Variants in CALD1 observed in about 807,000 individuals in gnomAD.
CALD1 encodes caldesmon.
A neutral mutation model predicts 99.9 loss-of-function variants in CALD1; 33 were observed. The observed-to-expected ratio is 0.33, with a 90% CI of 0.25 to 0.44. The LOEUF (loss-of-function observed/expected upper bound fraction) is 0.44. Among genes scored for constraint, CALD1 ranks in the 20% least tolerant of loss-of-function variants. The pLI is 1.00. For synonymous variants in CALD1, 310 were observed against 325.0 expected (o/e 0.95, Z 0.50); for missense variants, 861 against 962.1 (o/e 0.89, Z 1.39).
At chr7:134,962,536 A>C (rs1269112790) in intron 13 of CALD1, 7 of 259,528 alleles carry the variant, frequency 2.7e-5, no homozygotes, top group African/African-American at 1.6e-4. Context: ...TTCCCATTAG[A>C]TTTTGTAGAC....
intron 1 of CALD1, among the ~76,000 whole-genome samples, chr7:134,826,664 T>C (rs1799010861): frequency 6.6e-6 from 1 of 152,206 alleles, no homozygotes; most frequent in Admixed American, 6.5e-5. Context: ...GTATTGTTGG[T>C]TCATTGTTCC....
the CALD1 span, among the ~76,000 whole-genome samples, chr7:134,714,853 T>A: frequency 6.6e-6 from 1 of 152,196 alleles, no homozygotes; most frequent in South Asian, 2.1e-4. Context: ...GGCAGGAGTG[T>A]CTTATGCTGA....
At chr7:134,787,398 A>C (rs1797348375) in intron 1 of CALD1, among the ~76,000 whole-genome samples, 1 of 152,296 alleles carries the variant, frequency 6.6e-6, no homozygotes, top group Admixed American at 6.5e-5. Context: ...AAAAAATTTT[A>C]AGTATTTCTG....
At chr7:134,883,967 T>C (rs879692638) in intron 3 of CALD1, among the ~76,000 whole-genome samples, 5 of 152,328 alleles carry the variant, frequency 3.3e-5, no homozygotes, top group Admixed American at 6.5e-5. Flanking sequence ...CCGGGCATGG[T>C]GGCACATGCC....
chr7:134,872,357 CAA>C (rs35569742), intron 3 of CALD1, among the ~76,000 whole-genome samples: 26 of 100,434 alleles, frequency 2.6e-4, no homozygotes, highest in African/African-American at 6.2e-4. Context: ...GACTCGGTCT[CAA>C]AAAAAAAAAA....
At chr7:134,841,510 C>G (rs1799648686) in intron 1 of CALD1, among the ~76,000 whole-genome samples, 1 of 152,186 alleles carries the variant, frequency 6.6e-6, no homozygotes. Flanking sequence ...ATTTTTCTGT[C>G]TGTTATTAAG....
chr7:134,711,676 ATATATGTGTG>A, the CALD1 span, among the ~76,000 whole-genome samples: 1 of 70,432 alleles, frequency 1.4e-5, no homozygotes, highest in African/African-American at 4.4e-5. Context: ...ATATATATAT[ATATATGTGTG>A]TGTGTGTGTG....
At position 134,968,496 on chromosome 7, in the gene CALD1, C is replaced by T; in HGVS notation, c.*151C>T. ...CCCAGTAAACCCATGTATATTATCA[C>T]TATATTTAATAATCACAGTCTAGAG... On this transcript the variant is annotated 3_prime_UTR_variant, in exon 15 of 15. Transcript: ENST00000361675. 2 of 736,824 alleles carry T rather than the reference C, an allele frequency of 2.7e-6. No individual in the cohort carries two copies. The highest frequency in any genetic ancestry group is 2.0e-5 in the Admixed American group (1 of 49,796). The allele number at this position is 736,824 out of a possible 1,614,324, so 45.6% of individuals were successfully genotyped here.
Position 134,958,893 on chromosome 7 carries a change from ATATATATATATATATATTTAAC to A in CALD1, c.2061+615_2061+636del, listed in dbSNP as rs1808020333. Among the ~76,000 whole-genome samples the A allele has an allele frequency of 7.0e-5, 10 of 142,160 alleles. No homozygotes were observed. In the South Asian group the frequency reaches 2.2e-3, roughly 31 times the overall value. 93.3% of individuals were successfully genotyped at this position (142,160 alleles called of 152,430 possible). A position where few individuals can be genotyped will look rare whatever the true frequency, so the allele number is the denominator to read the frequency against. On this transcript the variant is annotated intron_variant, in intron 11 of 14. Coordinates refer to ENST00000361675, the MANE Select transcript of CALD1 (RefSeq NM_033138.4). ...TTTAAATATATATATATATATATATATATATATATATATATATTTAACTATATATATATTTAAGTCTTCTTTC... is the reference window on the plus strand; with the variant it reads ...TTTAAATATATATATATATATATATATATATATATATTTAAGTCTTCTTTC...
chr7:134,712,705 C>G, the CALD1 span, among the ~76,000 whole-genome samples: 1 of 152,184 alleles, frequency 6.6e-6, no homozygotes, highest in East Asian at 1.9e-4. Context: ...CTTTGATGCT[C>G]AAAGGGATTC....
chr7:134,756,512 AT>A (rs1796731916), intron 1 of CALD1, among the ~76,000 whole-genome samples: 1 of 151,928 alleles, frequency 6.6e-6, no homozygotes, highest in African/African-American at 2.4e-5. Context: ...TCTACTCTAT[AT>A]TAAGTTTAAT....
At chr7:134,798,477 A>G (rs1206616308) in intron 1 of CALD1, among the ~76,000 whole-genome samples, 1 of 152,172 alleles carries the variant, frequency 6.6e-6, no homozygotes, top group Non-Finnish European at 1.5e-5. Flanking sequence ...GAGTGAACAC[A>G]TTTACCTGGC....
chr7:134,808,187 A>G (rs1163562259), intron 1 of CALD1, among the ~76,000 whole-genome samples: 1 of 151,678 alleles, frequency 6.6e-6, no homozygotes, highest in African/African-American at 2.4e-5. Flanking sequence ...TGCAGCTCCC[A>G]ACTCCTGGGC....
Position 134,935,766 on chromosome 7 carries a change from G to A in CALD1, c.1386+1G>A, listed in dbSNP as rs1202703961. ...CAAGCCTACCTTCAAAAAAGAAGAG[G>A]TAAATATGATTGAAAAGTAATGATC... On this transcript the variant is annotated splice_donor_variant, in intron 6 of 14. Coordinates refer to ENST00000361675, the MANE Select transcript of CALD1 (RefSeq NM_033138.4). LOFTEE classifies it high-confidence loss of function. The A allele has an allele frequency of 1.3e-6, 2 of 1,584,554 alleles. No homozygotes were observed. The highest frequency in any genetic ancestry group is 1.7e-6 in the Non-Finnish European group (2 of 1,167,418).
At chr7:134,816,678 C>T (rs948779588) in intron 1 of CALD1, among the ~76,000 whole-genome samples, 8 of 152,238 alleles carry the variant, frequency 5.3e-5, no homozygotes, top group African/African-American at 1.7e-4. Flanking sequence ...AGTTTCCAGG[C>T]GAATGGGTAA....
chr7:134,933,612 A>G lies in CALD1; in HGVS notation c.843A>G (p.Lys281=). ...AAGCAGAAGAAAGAGAAAGAATTAA[A>G]GCCGAGCAAGACAAAAAGATAGCAG... ...RLEAEERERI[K]AEQDKKIADE... Residue 281 remains lysine, a synonymous_variant, in exon 5 of 15, where the codon AAA becomes AAG. Transcript: ENST00000361675. 1 of 1,612,558 alleles carries G rather than the reference A, an allele frequency of 6.2e-7. No homozygotes were observed. The highest frequency in any genetic ancestry group is 8.5e-7 in the Non-Finnish European group (1 of 1,179,296).
chr7:134,961,208 C>T (rs1281017280), intron 13 of CALD1: 2 of 152,148 alleles, frequency 1.3e-5, no homozygotes, highest in Admixed American at 1.3e-4. Context: ...TTTTGAGAAT[C>T]TAAAATTTTC....
At chr7:134,761,913 T>C (rs1193119609) in intron 1 of CALD1, among the ~76,000 whole-genome samples, 1 of 152,162 alleles carries the variant, frequency 6.6e-6, no homozygotes, top group Admixed American at 6.5e-5. Flanking sequence ...TTATAAACCA[T>C]CTTAAAAGGG....
intron 1 of CALD1, among the ~76,000 whole-genome samples, chr7:134,751,257 T>G (rs1208590951): frequency 6.6e-6 from 1 of 152,228 alleles, no homozygotes; most frequent in Admixed American, 6.5e-5. Context: ...AAAAGAGATA[T>G]ACAGTCACTA....
Sources: gnomAD v4.1 joint callset for allele counts (sites outside exome capture counted in the v4.1 genomes callset) on GRCh38, gnomAD v4.1.1 for gene constraint, MANE v1.5 for transcripts, NCBI Gene and HGNC (gene_info 2026-07-23, HGNC 2026-07-21) for gene names.